The following PRTG variants were observed in gnomAD, a reference collection of about 807,000 sequenced individuals.
The protein encoded by PRTG is immunoglobulin superfamily, DCC subclass, member 5.
A neutral mutation model predicts 122.5 loss-of-function variants in PRTG; 67 were observed. The ratio of observed to expected loss-of-function variants is 0.55; its 90% CI spans 0.45 to 0.67. PRTG has a LOEUF of 0.67. PRTG is among the 30% of genes least tolerant of loss of function. PRTG has a pLI of 0.00. For synonymous variants in PRTG, 554 were observed against 501.1 expected (o/e 1.11, Z -1.41); for missense variants, 1,435 against 1,415.4 (o/e 1.01, Z -0.22).
chr15:55,688,335 C>T (rs1226695379), intron 2 of PRTG, among the ~76,000 whole-genome samples: 1 of 152,168 alleles, frequency 6.6e-6, no homozygotes, highest in Non-Finnish European at 1.5e-5. Flanking sequence ...CTCGCTCTCC[C>T]TCCTCTTCTG....
rs1292908069 is a variant in PRTG at position 55,616,950 on chromosome 15, T to A, written c.*3062A>T. Reference sequence around the variant, plus strand: ...GGTATGAAAATACTGATGAGCAGTATCTTGTAATATTTGGCATAAAAATGA... The same window carrying A: ...GGTATGAAAATACTGATGAGCAGTAACTTGTAATATTTGGCATAAAAATGA... On this transcript the variant is annotated 3_prime_UTR_variant, in exon 20 of 20. Transcript: ENST00000389286. 6.6e-6 allele frequency: 1 copy of A among 152,126 alleles called. No homozygotes were observed. Among genetic ancestry groups the A allele is most frequent in the Admixed American group, 6.6e-5 (1 of 15,264 alleles). The allele number at this position is 152,126 out of a possible 1,614,324, so 9.4% of individuals were successfully genotyped here. A position where few individuals can be genotyped will look rare whatever the true frequency, so the allele number is the denominator to read the frequency against.
At chr15:55,647,540 T>A (rs1455116923) in intron 11 of PRTG, among the ~76,000 whole-genome samples, 1 of 152,210 alleles carries the variant, frequency 6.6e-6, no homozygotes, top group Non-Finnish European at 1.5e-5. Flanking sequence ...TCATTTATTT[T>A]GACTTGGAAG....
At chr15:55,732,682 G>C (rs1286734554) in intron 2 of PRTG, among the ~76,000 whole-genome samples, 2 of 150,918 alleles carry the variant, frequency 1.3e-5, no homozygotes, top group Non-Finnish European at 3.0e-5. Context: ...TCAGTAGAGA[G>C]GGGGTTTCTC....
At chr15:55,636,111 T>TAAA (rs545080280) in intron 15 of PRTG, among the ~76,000 whole-genome samples, 1,461 of 142,412 alleles carry the variant, frequency 0.01, 27 homozygotes, top group African/African-American at 0.036. Flanking sequence ...GATTCTGTCT[T>TAAA]AAAAAAAAAA....
intron 2 of PRTG, among the ~76,000 whole-genome samples, chr15:55,698,843 C>T (rs2059646186): frequency 6.7e-6 from 1 of 149,166 alleles, no homozygotes; most frequent in African/African-American, 2.5e-5. Context: ...AAAAAAGGAG[C>T]AGTACAGAGA....
At chr15:55,728,149 A>G (rs2031104651) in intron 2 of PRTG, among the ~76,000 whole-genome samples, 1 of 152,126 alleles carries the variant, frequency 6.6e-6, no homozygotes, top group African/African-American at 2.4e-5. Context: ...TACAGGCATG[A>G]CCCACTGTGC....
chr15:55,684,486 GAAC>G (rs2059559410), intron 2 of PRTG, among the ~76,000 whole-genome samples: 1 of 152,182 alleles, frequency 6.6e-6, no homozygotes, highest in East Asian at 1.9e-4. Context: ...GAAACAGCCA[GAAC>G]TACTGCAAAA....
chr15:55,630,478 G>A (rs778217340), intron 15 of PRTG, among the ~76,000 whole-genome samples: 4 of 152,132 alleles, frequency 2.6e-5, no homozygotes, highest in Non-Finnish European at 4.4e-5. Context: ...GCACAGTTAC[G>A]CAGGAACCTC....
At chr15:55,733,871 G>A (rs976036779) in intron 2 of PRTG, among the ~76,000 whole-genome samples, 18 of 152,032 alleles carry the variant, frequency 1.2e-4, no homozygotes, top group African/African-American at 3.1e-4. Flanking sequence ...ACAGCAAATC[G>A]TTCTCCAAGG....
intron 11 of PRTG, among the ~76,000 whole-genome samples, chr15:55,642,151 G>A (rs1305641847): frequency 7.3e-6 from 1 of 137,722 alleles, no homozygotes; most frequent in Non-Finnish European, 1.5e-5. Flanking sequence ...TCCGCAGTCC[G>A]GCCTGGGCGA....
chr15:55,676,563 C>G (rs1418028331), intron 8 of PRTG, among the ~76,000 whole-genome samples: 1 of 152,160 alleles, frequency 6.6e-6, no homozygotes. Context: ...AACTTGATAG[C>G]ATTTTAATTA....
chr15:55,728,093 T>G (rs1482714210), intron 2 of PRTG, among the ~76,000 whole-genome samples: 1 of 152,108 alleles, frequency 6.6e-6, no homozygotes, highest in Non-Finnish European at 1.5e-5. Context: ...CTCAAACTTC[T>G]GAGCTCAGGC....
chr15:55,659,201 G>A (rs1007816871), intron 11 of PRTG, among the ~76,000 whole-genome samples: 5 of 152,238 alleles, frequency 3.3e-5, no homozygotes, highest in East Asian at 1.9e-4. Context: ...ATCTCAAAAT[G>A]GAATAGGAAA....
Position 55,742,908 on chromosome 15 carries a change from G to C in PRTG, c.24C>G (p.Leu8=). Residue 8 remains leucine, a synonymous_variant, in exon 1 of 20, where the codon CTC becomes CTG. Transcript: ENST00000389286. ...GCATCCCCGGCGGTCGCAGCCGGGC[G>C]AGGGGTCGCAGAGGAGGCGCCATTC... MAPPLRP[L]ARLRPPGMLL... 2.6e-6 allele frequency: 4 copies of C among 1,528,542 alleles called. No individual in the cohort carries two copies. The highest frequency in any genetic ancestry group is 3.5e-6 in the Non-Finnish European group (4 of 1,137,194). 94.7% of individuals were successfully genotyped at this position (1,528,542 alleles called of 1,614,324 possible).
rs758734710 is a variant in PRTG at position 55,624,428 on chromosome 15, C to T, written c.3007G>A (p.Glu1003Lys). Residue 1003 changes from glutamate (E) to lysine (K), a missense_variant, in exon 18 of 20, where the codon GAG becomes AAG. Transcript: ENST00000389286. ...GCTCCTTCCAGGTTCTTTCCTACCT[C>T]ATTTCCACTAGCTAAGGAGGCACTG... ...RTSASLASGN[E>K]VGKNLEGAVG... is the part of the protein sequence containing the mutation. The T allele has an allele frequency of 6.2e-7, 1 of 1,613,900 alleles. No individual in the cohort carries two copies. Among genetic ancestry groups the T allele is most frequent in the Non-Finnish European group, 8.5e-7 (1 of 1,179,934 alleles).
chr15:55,726,217 G>T (rs1011114585), intron 2 of PRTG, among the ~76,000 whole-genome samples: 1 of 152,094 alleles, frequency 6.6e-6, no homozygotes. Flanking sequence ...TGAGATTACA[G>T]GTGTGGGCCA....
At chr15:55,666,969 G>C (rs1049618183) in intron 11 of PRTG, among the ~76,000 whole-genome samples, 1 of 152,142 alleles carries the variant, frequency 6.6e-6, no homozygotes, top group African/African-American at 2.4e-5. Flanking sequence ...TTATTTGACT[G>C]ATGTTTTTCT....
intron 2 of PRTG, 87 bp downstream of exon 2, chr15:55,740,295 A>T: frequency 7.9e-7 from 1 of 1,269,216 alleles, no homozygotes; most frequent in East Asian, 2.3e-5. Context: ...TGCATGCATG[A>T]TTCGGGGGAT....
At position 55,614,098 on chromosome 15, in the gene PRTG, C is replaced by T. The variant is rs1183411710; in HGVS notation, c.*5914G>A. On this transcript the variant is annotated 3_prime_UTR_variant, in exon 20 of 20. Coordinates refer to ENST00000389286, the MANE Select transcript of PRTG (RefSeq NM_173814.6). ...ATTCTGGCCTTTCTCATAATGGAGA[C>T]AGCTTTATCGATTTAGTTGAAGAAA... 1.3e-5 allele frequency: 2 copies of T among 152,012 alleles called. No homozygotes were observed. Among genetic ancestry groups the T allele is most frequent in the Non-Finnish European group, 2.9e-5 (2 of 67,970 alleles). 9.4% of individuals were successfully genotyped at this position (152,012 alleles called of 1,614,324 possible). A position where few individuals can be genotyped will look rare whatever the true frequency, so the allele number is the denominator to read the frequency against.
Sources: gnomAD v4.1 joint callset for allele counts (sites outside exome capture counted in the v4.1 genomes callset) on GRCh38, gnomAD v4.1.1 for gene constraint, MANE v1.5 for transcripts, NCBI Gene and HGNC (gene_info 2026-07-23, HGNC 2026-07-21) for gene names.